Variants in NBAS observed in about 807,000 individuals in gnomAD.
The protein encoded by NBAS is NAG/BC035112 fusion.
Under a neutral mutation model 302.5 loss-of-function variants are expected in NBAS, and 219 were observed. That is an observed-to-expected ratio of 0.72 (90% CI 0.65 to 0.81). The LOEUF (loss-of-function observed/expected upper bound fraction) is 0.81. NBAS is among the 30% of genes least tolerant of loss of function. The pLI, the probability that NBAS is intolerant of heterozygous loss-of-function variation, is 0.00. For synonymous variants in NBAS, 1,118 were observed against 1,021.6 expected, an observed-to-expected ratio of 1.09 and a Z score of -1.80; for missense variants, 2,932 against 2,841.6, an observed-to-expected ratio of 1.03 and a Z score of -0.72.
chr2:15,218,130 T>G (rs1278990361), intron 48 of NBAS, among the ~76,000 whole-genome samples: 1 of 152,114 alleles, frequency 6.6e-6, no homozygotes. Context: ...AATATAGAAT[T>G]ACTATATTTC....
intron 47 of NBAS, among the ~76,000 whole-genome samples, chr2:15,219,368 G>A (rs1001801653): frequency 3.8e-5 from 5 of 131,074 alleles, no homozygotes; most frequent in South Asian, 5.0e-4. Context: ...GGTGTTTCTC[G>A]CAGAGGGGGA....
At chr2:14,882,085 C>G in the NBAS span, among the ~76,000 whole-genome samples, 3 of 152,138 alleles carry the variant, frequency 2.0e-5, no homozygotes, top group African/African-American at 7.2e-5. Flanking sequence ...CTCCATTACC[C>G]TAGCACTGCC....
the NBAS span, among the ~76,000 whole-genome samples, chr2:14,856,069 CAGAG>C: frequency 1.3e-4 from 20 of 151,552 alleles, no homozygotes; most frequent in African/African-American, 4.8e-4. Flanking sequence ...TCACTCAGAG[CAGAG>C]AGAGAGAGAA....
At chr2:15,407,507 T>A (rs1676473236) in intron 25 of NBAS, among the ~76,000 whole-genome samples, 1 of 152,104 alleles carries the variant, frequency 6.6e-6, no homozygotes, top group Admixed American at 6.6e-5. Flanking sequence ...GACAGTGACT[T>A]CACTACTCAG....
downstream of NBAS, among the ~76,000 whole-genome samples, chr2:15,163,265 C>T (rs530857088): frequency 6.6e-6 from 1 of 152,186 alleles, no homozygotes. Context: ...CAGCATCCCC[C>T]GCTTCCCAGC....
At position 15,536,531 on chromosome 2, in the gene NBAS, G is replaced by A; in HGVS notation, c.534C>T (p.Asp178=). 1 of 1,610,044 alleles carries A rather than the reference G, an allele frequency of 6.2e-7. No individual in the cohort carries two copies. Among genetic ancestry groups the A allele is most frequent in the Admixed American group, 1.7e-5 (1 of 59,898 alleles). Residue 178 remains aspartate (D), a synonymous_variant, in exon 8 of 52, where the codon GAC becomes GAT. Coordinates refer to ENST00000281513, the MANE Select transcript of NBAS (RefSeq NM_015909.4). ...TCAACCCAGCAATGGCATAGCTTAA[G>A]TCACCTATAAAACTAGATGCCTACA... The part of the protein sequence containing the change: ...VISPASSFIG[D]LSYAIAGLIF...
chr2:15,480,609 T>G (rs748101668), intron 12 of NBAS, among the ~76,000 whole-genome samples: 18 of 152,108 alleles, frequency 1.2e-4, no homozygotes, highest in Non-Finnish European at 2.4e-4. Context: ...CTTTTAAGAC[T>G]GGATAAGACT....
At chr2:15,455,025 C>T (rs1348208757) in intron 21 of NBAS, among the ~76,000 whole-genome samples, 1 of 152,140 alleles carries the variant, frequency 6.6e-6, no homozygotes, top group African/African-American at 2.4e-5. Context: ...GCCTCAGCCT[C>T]CTAAGTAGCT....
intron 9 of NBAS, among the ~76,000 whole-genome samples, chr2:15,520,260 G>C (rs1055493965): frequency 1.6e-4 from 24 of 152,042 alleles, no homozygotes; most frequent in African/African-American, 5.6e-4. Context: ...AAATTAGCTG[G>C]ATGTTGTGAC....
the NBAS span, among the ~76,000 whole-genome samples, chr2:15,154,312 C>T: frequency 6.6e-6 from 1 of 152,180 alleles, no homozygotes; most frequent in South Asian, 2.1e-4. Context: ...GGACTTGGAG[C>T]AAGGTTGCTG....
At chr2:15,466,172 G>A (rs1213251391) in intron 19 of NBAS, among the ~76,000 whole-genome samples, 1 of 152,076 alleles carries the variant, frequency 6.6e-6, no homozygotes, top group Non-Finnish European at 1.5e-5. Flanking sequence ...TATTAGCAGG[G>A]TGGGGGAATC....
chr2:15,308,295 A>G lies in NBAS; in HGVS notation c.4718T>C (p.Leu1573Pro), dbSNP rs745647256. ...KQSPSALSLQLAAYYYSLQIY... is the reference protein window; with the variant it reads ...KQSPSALSLQPAAYYYSLQIY... Reference sequence around the variant, plus strand: ...CTGGAGGCTATAGTAATACGCTGCCAGCTGGAGAGATAATGCAGAGGGGGA... The same window carrying G: ...CTGGAGGCTATAGTAATACGCTGCCGGCTGGAGAGATAATGCAGAGGGGGA... Residue 1573 changes from leucine (L) to proline (P), a missense_variant, in exon 40 of 52, where the codon CTG (leucine) becomes CCG (proline). Physicochemically the swap from Leu to Pro is moderately conservative, Grantham distance 98. Transcript: ENST00000281513. The G allele has an allele frequency of 3.7e-6, 6 of 1,614,086 alleles. No individual in the cohort carries two copies. The highest frequency in any genetic ancestry group is 4.2e-6 in the Non-Finnish European group (5 of 1,180,032).
At chr2:15,427,645 T>C (rs1034226507) in intron 22 of NBAS, 66 bp downstream of exon 22, 3 of 1,342,064 alleles carry the variant, frequency 2.2e-6, no homozygotes, top group African/African-American at 2.9e-5. Context: ...GACACCACTT[T>C]CACAGGGCCA....
the NBAS span, among the ~76,000 whole-genome samples, chr2:15,097,182 G>T: frequency 6.6e-6 from 1 of 152,066 alleles, no homozygotes; most frequent in South Asian, 2.1e-4. Context: ...TGAGGGGAGG[G>T]GTGACTTGTT....
the NBAS span, among the ~76,000 whole-genome samples, chr2:14,905,581 C>G: frequency 6.6e-6 from 1 of 152,220 alleles, no homozygotes; most frequent in Non-Finnish European, 1.5e-5. Flanking sequence ...GAGAAATAAA[C>G]AAGATCTGTC....
rs542081205 is a variant in NBAS at position 15,371,772 on chromosome 2, A to AG, written c.3703+2835dup. Among the ~76,000 whole-genome samples, 21 of 152,228 alleles carry AG rather than the reference A, an allele frequency of 1.4e-4. No homozygotes were observed. In the East Asian group the frequency reaches 4.1e-3, roughly 29 times the overall value. ...ATTTATGTTTATTAAATGAAAGCAA[A>AG]GGGGGGATGGAAAGAGGGCAATGAA... On this transcript the variant is annotated intron_variant, in intron 31 of 51. Coordinates refer to ENST00000281513, the MANE Select transcript of NBAS (RefSeq NM_015909.4).
intron 11 of NBAS, among the ~76,000 whole-genome samples, chr2:15,495,067 C>T (rs1181537239): frequency 6.6e-6 from 1 of 152,114 alleles, no homozygotes; most frequent in Non-Finnish European, 1.5e-5. Flanking sequence ...GGTGAGTAGT[C>T]TCTTGCCAAA....
chr2:14,793,272 T>G, the NBAS span, among the ~76,000 whole-genome samples: 1 of 152,196 alleles, frequency 6.6e-6, no homozygotes, highest in South Asian at 2.1e-4. Context: ...TATGGCAGCA[T>G]GAGTTGATTA....
chr2:15,546,602 G>A (rs939350356), intron 6 of NBAS, among the ~76,000 whole-genome samples: 1 of 152,186 alleles, frequency 6.6e-6, no homozygotes, highest in Non-Finnish European at 1.5e-5. Flanking sequence ...GGTGGCAGGT[G>A]CCTATAATCC....
Sources: gnomAD v4.1 joint callset for allele counts (sites outside exome capture counted in the v4.1 genomes callset) on GRCh38, gnomAD v4.1.1 for gene constraint, MANE v1.5 for transcripts, NCBI Gene and HGNC (gene_info 2026-07-23, HGNC 2026-07-21) for gene names.